NAALADL2: variants seen among roughly 807,000 people sequenced by gnomAD.
NAALADL2 encodes inactive N-acetylated-alpha-linked acidic dipeptidase-like protein 2.
A neutral mutation model predicts 87.2 loss-of-function variants in NAALADL2; 76 were observed. That is an observed-to-expected ratio of 0.87 (90% CI 0.72 to 1.05). NAALADL2 has a LOEUF of 1.05. NAALADL2 is among the 50% of genes least tolerant of loss of function. NAALADL2 has a pLI of 0.00. For missense variants in NAALADL2, 1,089 were observed against 945.8 expected, an observed-to-expected ratio of 1.15 and a Z score of -1.99; for synonymous variants, 354 against 331.0, an observed-to-expected ratio of 1.07 and a Z score of -0.75.
At chr3:175,533,414 C>A (rs1367120477) in intron 9 of NAALADL2, among the ~76,000 whole-genome samples, 8 of 152,182 alleles carry the variant, frequency 5.3e-5, no homozygotes, top group Admixed American at 3.9e-4. Flanking sequence ...CATTATCTTG[C>A]CTGGCAACTG....
At chr3:175,554,669 A>G (rs1714973662) in intron 9 of NAALADL2, among the ~76,000 whole-genome samples, 1 of 152,120 alleles carries the variant, frequency 6.6e-6, no homozygotes, top group African/African-American at 2.4e-5. Context: ...AAATGATGGT[A>G]CCAATATAAT....
intron 3 of NAALADL2, among the ~76,000 whole-genome samples, chr3:175,250,044 C>T (rs1286798586): frequency 1.3e-5 from 2 of 151,992 alleles, no homozygotes; most frequent in African/African-American, 4.8e-5. Flanking sequence ...TGGCGCATGC[C>T]TGTAATCCCA....
At chr3:175,531,222 G>A (rs1036670058) in intron 9 of NAALADL2, among the ~76,000 whole-genome samples, 2 of 152,190 alleles carry the variant, frequency 1.3e-5, no homozygotes, top group South Asian at 2.1e-4. Flanking sequence ...ATAACACACC[G>A]AGATGAGGAA....
At chr3:174,488,661 G>A (rs1718005435) in intron 1 of NAALADL2, among the ~76,000 whole-genome samples, 1 of 151,740 alleles carries the variant, frequency 6.6e-6, no homozygotes, top group Non-Finnish European at 1.5e-5. Context: ...ACAATCTCAT[G>A]GAATTCCTCC....
chr3:175,252,818 G>A (rs1463549720), intron 3 of NAALADL2, among the ~76,000 whole-genome samples: 1 of 152,158 alleles, frequency 6.6e-6, no homozygotes, highest in East Asian at 1.9e-4. Flanking sequence ...GAGTGATCAG[G>A]ATAGAAGATC....
intron 9 of NAALADL2, among the ~76,000 whole-genome samples, chr3:175,519,266 G>A (rs759835106): frequency 2.0e-4 from 31 of 152,288 alleles, no homozygotes; most frequent in African/African-American, 6.5e-4. Flanking sequence ...TTAGAAAAGC[G>A]GTTCTAGTTT....
intron 12 of NAALADL2, among the ~76,000 whole-genome samples, chr3:175,746,215 T>G (rs946766493): frequency 6.6e-6 from 1 of 152,006 alleles, no homozygotes; most frequent in East Asian, 1.9e-4. Context: ...TCACTTCATT[T>G]TGGAAGAAAG....
intron 3 of NAALADL2, among the ~76,000 whole-genome samples, chr3:174,817,748 T>A (rs1191260524): frequency 6.6e-6 from 1 of 152,136 alleles, no homozygotes; most frequent in African/African-American, 2.4e-5. Flanking sequence ...GCATTTAAGG[T>A]TTTAATCTTA....
At chr3:174,980,566 C>T (rs561274291) in intron 1 of NAALADL2, among the ~76,000 whole-genome samples, 24 of 151,860 alleles carry the variant, frequency 1.6e-4, no homozygotes, top group South Asian at 2.1e-4. Flanking sequence ...AAATATTTTC[C>T]GAATCAAAAA....
intron 5 of NAALADL2, among the ~76,000 whole-genome samples, chr3:175,393,510 T>G (rs187454192): frequency 1.4e-4 from 21 of 152,194 alleles, no homozygotes; most frequent in African/African-American, 4.1e-4. Context: ...TATGAAGAAC[T>G]ACAAGTATAG....
intron 1 of NAALADL2, among the ~76,000 whole-genome samples, chr3:174,515,427 A>G (rs1379478988): frequency 6.6e-6 from 1 of 152,100 alleles, no homozygotes; most frequent in Non-Finnish European, 1.5e-5. Context: ...AAAAGTCTTT[A>G]ACATGGAGTT....
rs947344530 is a variant in NAALADL2 at position 174,586,237 on chromosome 3, T to C, written c.-115+35600T>C. ...ACATTTAAATTAACTTCTTTAGAGATGGTATTCAGTTGTACAGGTTGTAAT... is the reference window on the plus strand; with the variant it reads ...ACATTTAAATTAACTTCTTTAGAGACGGTATTCAGTTGTACAGGTTGTAAT... On this transcript the variant is annotated intron_variant, in intron 2 of 3. Transcript: ENST00000434257. Among the ~76,000 whole-genome samples, 34 of 152,198 alleles carry C rather than the reference T, an allele frequency of 2.2e-4. 1 individual carries two copies. Among genetic ancestry groups the C allele is most frequent in the Admixed American group, 2.2e-3 (34 of 15,282 alleles).
At chr3:175,091,230 C>T (rs765999823) in intron 1 of NAALADL2, among the ~76,000 whole-genome samples, 5 of 152,136 alleles carry the variant, frequency 3.3e-5, no homozygotes, top group Admixed American at 6.6e-5. Flanking sequence ...CTATGTAGTT[C>T]ACTGTTGCAG....
chr3:175,007,728 T>C (rs886174212), intron 1 of NAALADL2, among the ~76,000 whole-genome samples: 3 of 152,158 alleles, frequency 2.0e-5, no homozygotes, highest in African/African-American at 7.2e-5. Context: ...TTCTTCTTTA[T>C]AGGTACATAC....
intron 2 of NAALADL2, among the ~76,000 whole-genome samples, chr3:175,125,878 T>C (rs1004320242): frequency 1.3e-5 from 2 of 151,996 alleles, no homozygotes; most frequent in African/African-American, 4.8e-5. Context: ...AGAAGAGAGA[T>C]GAGACATAAG....
At chr3:174,511,052 A>G (rs1291054108) in intron 1 of NAALADL2, among the ~76,000 whole-genome samples, 3 of 151,984 alleles carry the variant, frequency 2.0e-5, no homozygotes, top group Non-Finnish European at 4.4e-5. Context: ...GGTGAGAAAA[A>G]CATACTTTGT....
At chr3:175,292,404 T>C (rs1160725953) in intron 4 of NAALADL2, among the ~76,000 whole-genome samples, 1 of 152,342 alleles carries the variant, frequency 6.6e-6, no homozygotes, top group African/African-American at 2.4e-5. Flanking sequence ...CTTTGAATGA[T>C]AGAAACTTGG....
At chr3:174,610,747 A>AG (rs74945136) in intron 2 of NAALADL2, among the ~76,000 whole-genome samples, 99,886 of 151,910 alleles carry the variant, frequency 0.66, 34,056 homozygotes, top group East Asian at 0.87. Context: ...CCATTGTGCA[A>AG]TCAGTGTGGC....
intron 1 of NAALADL2, among the ~76,000 whole-genome samples, chr3:174,534,591 T>G (rs1157315318): frequency 2.6e-5 from 4 of 152,158 alleles, no homozygotes; most frequent in African/African-American, 9.7e-5. Context: ...AAACAAAGGA[T>G]TTTTTCAGAA....
Sources: allele counts gnomAD v4.1 joint callset (sites outside exome capture counted in the v4.1 genomes callset), GRCh38; gene constraint gnomAD v4.1.1; transcripts MANE v1.5; gene names NCBI Gene and HGNC (gene_info 2026-07-23, HGNC 2026-07-21).